The following UBE2G1 variants were observed in gnomAD, a reference collection of about 807,000 sequenced individuals.
UBE2G1 encodes the protein ubiquitin conjugating enzyme E2 G1.
UBE2G1 carries 5 observed loss-of-function variants against 22.7 expected under a neutral mutation model. The ratio of observed to expected loss-of-function variants is 0.22; its 90% confidence interval spans 0.12 to 0.46. The LOEUF (loss-of-function observed/expected upper bound fraction) is 0.46, where lower values mean the gene tolerates loss of function less well. Among genes scored for constraint, UBE2G1 ranks in the 20% least tolerant of loss-of-function variants. The pLI is 0.99. For synonymous variants in UBE2G1, 74 were observed against 67.5 expected (o/e 1.10, Z -0.47); for missense variants, 88 against 203.9 (o/e 0.43, Z 3.46).
Position 4,281,431 on chromosome 17 carries a change from A to G in UBE2G1, c.*37+1367T>C, listed in dbSNP as rs918290979. ...GGGACAGAAGAAAGCAGCGGAGTGT[A>G]GGGGACAGAAGATAATGGTAATGTT... On this transcript the variant is annotated intron_variant, in intron 5 of 5. Coordinates refer to ENST00000396981, the MANE Select transcript of UBE2G1 (RefSeq NM_003342.5). 7.9e-5 allele frequency among the ~76,000 whole-genome samples: 12 copies of G among 152,242 alleles called. No individual in the cohort carries two copies. In the East Asian group the frequency reaches 2.3e-3, roughly 29 times the overall value.
chr17:4,320,711 C>G (rs1969427226), intron 1 of UBE2G1, among the ~76,000 whole-genome samples: 1 of 152,048 alleles, frequency 6.6e-6, no homozygotes, highest in Admixed American at 6.6e-5. Context: ...TCTTGCTCTC[C>G]AAAGACAACC....
In UBE2G1 at chr17:4,349,305, T is replaced by C. The variant is rs766928451; in HGVS notation, c.46+16966A>G. ...ACTGCACTCCAGCCTAGGACTACCA[T>C]GAGAATGGTGTGACACCATATATGT... On this transcript the variant is annotated intron_variant, in intron 1 of 5. Coordinates refer to ENST00000396981, the MANE Select transcript of UBE2G1 (RefSeq NM_003342.5). Among the ~76,000 whole-genome samples the C allele has an allele frequency of 1.6e-4, 24 of 152,150 alleles. 2 individuals are homozygous for C. Among genetic ancestry groups the C allele is most frequent in the Admixed American group, 6.5e-4 (10 of 15,292 alleles).
intron 1 of UBE2G1, among the ~76,000 whole-genome samples, chr17:4,341,490 T>C (rs943442328): frequency 1.3e-5 from 2 of 152,114 alleles, no homozygotes; most frequent in Non-Finnish European, 2.9e-5. Context: ...GCTCCAGAAA[T>C]TCCTACCCTC....
At chr17:4,337,183 T>TA (rs1239635762) in intron 1 of UBE2G1, among the ~76,000 whole-genome samples, 8 of 151,588 alleles carry the variant, frequency 5.3e-5, no homozygotes, top group South Asian at 4.2e-4. Context: ...GCTCACACAA[T>TA]AAAAAAAGTT....
At chr17:4,362,244 C>T (rs545320302) in intron 1 of UBE2G1, among the ~76,000 whole-genome samples, 1 of 152,294 alleles carries the variant, frequency 6.6e-6, no homozygotes, top group South Asian at 2.1e-4. Flanking sequence ...CACAACCTAT[C>T]TGATTTCATG....
chr17:4,307,319 C>G (rs1969259050), intron 1 of UBE2G1, among the ~76,000 whole-genome samples, 196 bp from the exon 2 acceptor site: 4 of 152,196 alleles, frequency 2.6e-5, no homozygotes, highest in Admixed American at 1.3e-4. Flanking sequence ...GTAAAGCAAA[C>G]TATCCAGAAG....
At chr17:4,314,282 G>A (rs764150574) in intron 1 of UBE2G1, among the ~76,000 whole-genome samples, 11 of 152,194 alleles carry the variant, frequency 7.2e-5, no homozygotes, top group Non-Finnish European at 1.5e-4. Flanking sequence ...AAGCTATCGA[G>A]TAATACTATG....
At chr17:4,319,575 A>G (rs892062738) in intron 1 of UBE2G1, among the ~76,000 whole-genome samples, 1 of 152,192 alleles carries the variant, frequency 6.6e-6, no homozygotes, top group Non-Finnish European at 1.5e-5. Context: ...CCTCTACAAA[A>G]AATACAAAAA....
In UBE2G1 at chr17:4,282,822, T is replaced by A. The variant is rs368810264; in HGVS notation, c.*13A>T. The stretch of plus-strand genomic sequence containing the variant: ...CCCTGAAATAAGTGAAGTTACTAGC[T>A]GCTAAATAAATGTCACTCAAAAGCA... On this transcript the variant is annotated 3_prime_UTR_variant, in exon 5 of 6. Transcript: ENST00000396981. The A allele has an allele frequency of 6.2e-7, 1 of 1,605,824 alleles. No individual in the cohort carries two copies. The highest frequency in any genetic ancestry group is 1.3e-5 in the African/African-American group (1 of 74,522).
chr17:4,337,473 T>G (rs1192017224), intron 1 of UBE2G1, among the ~76,000 whole-genome samples: 1 of 151,090 alleles, frequency 6.6e-6, no homozygotes, highest in Non-Finnish European at 1.5e-5. Flanking sequence ...GCCAACACGG[T>G]GAAACCCTGA....
chr17:4,292,395 C>T (rs1394427709), intron 3 of UBE2G1, among the ~76,000 whole-genome samples: 4 of 151,952 alleles, frequency 2.6e-5, no homozygotes, highest in African/African-American at 9.7e-5. Flanking sequence ...CTTCTAGCTA[C>T]CTCCTTTTTC....
At chr17:4,314,654 T>C (rs1050822112) in intron 1 of UBE2G1, among the ~76,000 whole-genome samples, 5 of 152,186 alleles carry the variant, frequency 3.3e-5, no homozygotes, top group African/African-American at 9.7e-5. Context: ...AACTGAAACA[T>C]TGGCCATTTT....
chr17:4,290,189 C>T (rs1466948712), intron 3 of UBE2G1, among the ~76,000 whole-genome samples: 2 of 151,920 alleles, frequency 1.3e-5, no homozygotes, highest in African/African-American at 2.4e-5. Flanking sequence ...TTTATGGTAA[C>T]ATTTACCCAC....
chr17:4,281,594 G>T (rs1010615781), intron 5 of UBE2G1, among the ~76,000 whole-genome samples: 1 of 152,144 alleles, frequency 6.6e-6, no homozygotes, highest in East Asian at 1.9e-4. Context: ...TAGGTCTTAC[G>T]AATCATCTGG....
intron 4 of UBE2G1, among the ~76,000 whole-genome samples, chr17:4,285,535 A>C (rs1400481153): frequency 6.6e-6 from 1 of 152,244 alleles, no homozygotes; most frequent in Non-Finnish European, 1.5e-5. Flanking sequence ...ATGAAGGAAG[A>C]AATCAACCAA....
At chr17:4,299,164 T>A (rs937602689) in intron 2 of UBE2G1, among the ~76,000 whole-genome samples, 1 of 152,228 alleles carries the variant, frequency 6.6e-6, no homozygotes, top group East Asian at 1.9e-4. Context: ...TGTGTTTTAT[T>A]CACTAATCTA....
chr17:4,292,527 T>A (rs1460594474), intron 3 of UBE2G1, among the ~76,000 whole-genome samples: 6 of 152,222 alleles, frequency 3.9e-5, no homozygotes, highest in Non-Finnish European at 8.8e-5. Flanking sequence ...ATGCTACAAC[T>A]GTGTCCACAA....
At chr17:4,313,823 T>C (rs1969338303) in intron 1 of UBE2G1, among the ~76,000 whole-genome samples, 1 of 152,182 alleles carries the variant, frequency 6.6e-6, no homozygotes, top group South Asian at 2.1e-4. Flanking sequence ...GGAGTTATGC[T>C]TGCATGCTAT....
At chr17:4,357,092 CT>C (rs1164154316) in intron 1 of UBE2G1, among the ~76,000 whole-genome samples, 1 of 152,006 alleles carries the variant, frequency 6.6e-6, no homozygotes, top group African/African-American at 2.4e-5. Context: ...TTTTCAATTA[CT>C]TGTGGTCAAG....
Sources: allele counts gnomAD v4.1 joint callset (sites outside exome capture counted in the v4.1 genomes callset), GRCh38; gene constraint gnomAD v4.1.1; transcripts MANE v1.5; gene names NCBI Gene and HGNC (gene_info 2026-07-23, HGNC 2026-07-21).